Variants in MKLN1 observed in about 807,000 individuals in gnomAD.
MKLN1 encodes muskelin.
In MKLN1, 18 loss-of-function variants were observed where a neutral mutation model predicts 99.0. The ratio of observed to expected loss-of-function variants is 0.18; its 90% CI spans 0.13 to 0.27. MKLN1 has a LOEUF of 0.27. Among genes scored for constraint, MKLN1 ranks in the 10% least tolerant of loss-of-function variants. The pLI, the probability that MKLN1 is intolerant of heterozygous loss-of-function variation, is 1.00. For missense variants in MKLN1, 621 were observed against 875.9 expected (o/e 0.71, Z 3.67); for synonymous variants, 288 against 293.2 (o/e 0.98, Z 0.18).
chr7:131,398,007 G>A (rs1016383161), intron 5 of MKLN1, among the ~76,000 whole-genome samples: 43 of 152,198 alleles, frequency 2.8e-4, no homozygotes, highest in African/African-American at 7.9e-4. Context: ...TAATTATAAC[G>A]TGTAAGGATT....
rs1005650065 is a variant in MKLN1, at chr7:131,492,889, G to T, written c.*5161G>T. ...TTATAGTAAATTAGTTTCTCTAGTG[G>T]TGCAGAGAGAAATGCCATCGGGGAA... is the stretch of plus-strand genomic sequence containing the variant. On this transcript the variant is annotated 3_prime_UTR_variant, in exon 18 of 18. Transcript: ENST00000352689. 1 of 152,144 alleles carries T rather than the reference G, an allele frequency of 6.6e-6. No homozygotes were observed. The highest frequency in any genetic ancestry group is 1.5e-5 in the Non-Finnish European group (1 of 68,030). The allele number at this position is 152,144 out of a possible 1,614,324, so 9.4% of individuals were successfully genotyped here.
At chr7:131,312,861 T>C (rs957077806) in intron 3 of MKLN1, among the ~76,000 whole-genome samples, 2 of 152,184 alleles carry the variant, frequency 1.3e-5, no homozygotes, top group East Asian at 1.9e-4. Context: ...ATGACAGTGC[T>C]ATGGAGACAA....
chr7:131,245,268 CTTT>C (rs34255726), intron 3 of MKLN1, among the ~76,000 whole-genome samples: 4 of 129,568 alleles, frequency 3.1e-5, no homozygotes, highest in Non-Finnish European at 4.9e-5. Flanking sequence ...ATTATACGGT[CTTT>C]TTTTTTTTTT....
chr7:131,473,963 A>T (rs1051752097), intron 16 of MKLN1, among the ~76,000 whole-genome samples: 8 of 152,196 alleles, frequency 5.3e-5, no homozygotes, highest in African/African-American at 1.9e-4. Flanking sequence ...AGCCTGGCCA[A>T]CATGGTAAAA....
At chr7:131,123,049 A>AAAAAAG (rs1795400485) in intron 1 of MKLN1, among the ~76,000 whole-genome samples, 9 of 150,268 alleles carry the variant, frequency 6.0e-5, no homozygotes, top group East Asian at 1.9e-4. Context: ...AAAAAAAAAA[A>AAAAAAG]GTGTTGCTGC....
chr7:131,347,229 G>C (rs183280607), intron 1 of MKLN1, among the ~76,000 whole-genome samples: 1 of 152,322 alleles, frequency 6.6e-6, no homozygotes, highest in African/African-American at 2.4e-5. Context: ...CTAAAGAAAG[G>C]CTCAGTTGAA....
chr7:131,418,633 G>A (rs1795098327), intron 8 of MKLN1, among the ~76,000 whole-genome samples: 1 of 152,240 alleles, frequency 6.6e-6, no homozygotes, highest in Non-Finnish European at 1.5e-5. Context: ...ATAAGTGGTA[G>A]TAGAGCCAGC....
At chr7:131,262,403 C>T (rs1270864749) in intron 3 of MKLN1, among the ~76,000 whole-genome samples, 1 of 152,050 alleles carries the variant, frequency 6.6e-6, no homozygotes. Flanking sequence ...TGCCACTGCA[C>T]TCCAGCCTGG....
chr7:131,143,573 C>A (rs955608686), intron 2 of MKLN1, among the ~76,000 whole-genome samples: 1 of 152,134 alleles, frequency 6.6e-6, no homozygotes, highest in Admixed American at 6.6e-5. Context: ...TGCGTGTAAT[C>A]CTAGTGTTTT....
At chr7:131,322,165 TTG>T (rs902514924) in intron 3 of MKLN1, among the ~76,000 whole-genome samples, 23 of 152,338 alleles carry the variant, frequency 1.5e-4, no homozygotes, top group Admixed American at 2.6e-4. Flanking sequence ...ATTTTTTTGT[TTG>T]TGTGTTTGTT....
At chr7:131,418,955 G>A (rs905127524) in intron 8 of MKLN1, among the ~76,000 whole-genome samples, 5 of 152,066 alleles carry the variant, frequency 3.3e-5, no homozygotes, top group Non-Finnish European at 7.4e-5. Flanking sequence ...TTGTGACTGG[G>A]TAATCCAGGA....
At chr7:131,220,582 GT>G (rs1414662436) in intron 3 of MKLN1, among the ~76,000 whole-genome samples, 1 of 152,192 alleles carries the variant, frequency 6.6e-6, no homozygotes, top group Admixed American at 6.5e-5. Flanking sequence ...GTTATTAAGG[GT>G]TTTGGAGTGG....
chr7:131,159,867 A>C (rs112055043), intron 2 of MKLN1, among the ~76,000 whole-genome samples: 3 of 152,324 alleles, frequency 2.0e-5, no homozygotes, highest in African/African-American at 7.2e-5. Context: ...CTGAATCCTC[A>C]TAACAAGCCC....
chr7:131,438,493 A>T (rs1009998372), intron 10 of MKLN1, among the ~76,000 whole-genome samples: 4 of 148,944 alleles, frequency 2.7e-5, no homozygotes, highest in African/African-American at 9.9e-5. Context: ...TAAACTCAGC[A>T]CCAATAGAAA....
chr7:131,481,362 A>C (rs970634503), intron 17 of MKLN1, among the ~76,000 whole-genome samples: 1 of 152,240 alleles, frequency 6.6e-6, no homozygotes, highest in Non-Finnish European at 1.5e-5. Flanking sequence ...ACAGTAAAGC[A>C]GTAAATGCTC....
At chr7:131,160,797 T>C (rs910978459) in intron 2 of MKLN1, among the ~76,000 whole-genome samples, 3 of 151,594 alleles carry the variant, frequency 2.0e-5, no homozygotes, top group African/African-American at 7.3e-5. Context: ...CCCAAAGTCC[T>C]GGTATTACAG....
At chr7:131,381,217 C>A (rs1037042606) in intron 2 of MKLN1, among the ~76,000 whole-genome samples, 1 of 152,088 alleles carries the variant, frequency 6.6e-6, no homozygotes, top group Admixed American at 6.5e-5. Flanking sequence ...TATGATCTAA[C>A]CCTTATTATG....
At chr7:131,352,708 G>C (rs459025) in intron 1 of MKLN1, among the ~76,000 whole-genome samples, 1 of 152,084 alleles carries the variant, frequency 6.6e-6, no homozygotes. Flanking sequence ...TTCTACTGAA[G>C]ATAGTAAAAA....
chr7:131,287,373 C>A (rs976325398), intron 3 of MKLN1, among the ~76,000 whole-genome samples: 1 of 152,218 alleles, frequency 6.6e-6, no homozygotes, highest in Non-Finnish European at 1.5e-5. Context: ...CTCCTGAAAG[C>A]TCTGGGGGAG....
Sources: gnomAD v4.1 joint callset for allele counts (sites outside exome capture counted in the v4.1 genomes callset) on GRCh38, gnomAD v4.1.1 for gene constraint, MANE v1.5 for transcripts, NCBI Gene and HGNC (gene_info 2026-07-23, HGNC 2026-07-21) for gene names.